KCNMA1: variants seen among roughly 807,000 people sequenced by gnomAD.
KCNMA1 encodes the protein potassium calcium-activated channel subfamily M alpha 1, also known as Calcium-activated potassium channel subunit alpha-1.
In KCNMA1, 29 loss-of-function variants were observed where a neutral mutation model predicts 140.0. The ratio of observed to expected loss-of-function variants is 0.21; its 90% CI spans 0.15 to 0.28. KCNMA1 has a LOEUF of 0.28. Ranked by LOEUF, KCNMA1 falls within the 10% of genes least tolerant of loss-of-function variation. The probability of loss-of-function intolerance (pLI) is 1.00; values close to 1 mark genes in which losing one functional copy is unlikely to be tolerated. For synonymous variants in KCNMA1, 612 were observed against 611.9 expected, an observed-to-expected ratio of 1.00 and a Z score of 0.00; for missense variants, 880 against 1,602.2, an observed-to-expected ratio of 0.55 and a Z score of 7.70.
chr10:77,521,541 T>A (rs1039059729), intron 1 of KCNMA1, among the ~76,000 whole-genome samples: 2 of 152,250 alleles, frequency 1.3e-5, no homozygotes, highest in Admixed American at 1.3e-4. Context: ...TTTCCTCATC[T>A]GTAAACCATG....
Position 76,885,190 on chromosome 10 carries a change from G to A in KCNMA1, c.*2076C>T. 1.0e-6 allele frequency: 1 copy of A among 976,334 alleles called. No homozygotes were observed. The highest frequency in any genetic ancestry group is 1.3e-6 in the Non-Finnish European group (1 of 778,354). The allele number at this position is 976,334 out of a possible 1,614,324, so 60.5% of individuals were successfully genotyped here. On this transcript the variant is annotated 3_prime_UTR_variant, in exon 28 of 28. Coordinates refer to ENST00000286628, the MANE Select transcript of KCNMA1 (RefSeq NM_001161352.2). ...AGCTCTTCATGATCCAATACTAGGGGATACATATATATAGTTATATATATA... is the reference window on the plus strand; with the variant it reads ...AGCTCTTCATGATCCAATACTAGGGAATACATATATATAGTTATATATATA...
intron 3 of KCNMA1, among the ~76,000 whole-genome samples, chr10:77,205,567 T>C (rs1410639433): frequency 6.6e-6 from 1 of 152,236 alleles, no homozygotes; most frequent in Non-Finnish European, 1.5e-5. Context: ...GCTGAATATA[T>C]TTAAACCTTC....
intron 5 of KCNMA1, among the ~76,000 whole-genome samples, chr10:77,154,049 G>A (rs1380506100): frequency 6.6e-6 from 1 of 152,168 alleles, no homozygotes; most frequent in African/African-American, 2.4e-5. Flanking sequence ...ACCAGGTGGA[G>A]GTAATTGGAT....
intron 2 of KCNMA1, among the ~76,000 whole-genome samples, chr10:77,323,433 A>G (rs1041558451): frequency 6.6e-6 from 1 of 152,302 alleles, no homozygotes; most frequent in East Asian, 1.9e-4. Flanking sequence ...GCCTTTACCA[A>G]TGGTAAACTG....
intron 25 of KCNMA1, 21 bp downstream of exon 25, chr10:76,909,945 G>C: frequency 6.2e-7 from 1 of 1,611,732 alleles, no homozygotes; most frequent in Non-Finnish European, 8.5e-7. Context: ...TGAGTGAGGA[G>C]GAGGGAACAG....
At chr10:77,247,342 A>G in intron 3 of KCNMA1, among the ~76,000 whole-genome samples, 1 of 152,158 alleles carries the variant, frequency 6.6e-6, no homozygotes, top group East Asian at 1.9e-4. Context: ...CAATCCATGA[A>G]TCTCGCTCTC....
rs566782703 is a variant in KCNMA1 at position 77,450,432 on chromosome 10, A to G, written c.379-46409T>C. Among the ~76,000 whole-genome samples, 11 of 152,274 alleles carry G rather than the reference A, an allele frequency of 7.2e-5. No individual in the cohort carries two copies. In the South Asian group the frequency reaches 2.3e-3, roughly 32 times the overall value. Reference sequence around the variant, plus strand: ...AACCAATATACATATTAACATTTATATATATTAACCAATCTAAGTTTTCAG... The same window carrying G: ...AACCAATATACATATTAACATTTATGTATATTAACCAATCTAAGTTTTCAG... On this transcript the variant is annotated intron_variant, in intron 1 of 27. Coordinates refer to ENST00000286628, the MANE Select transcript of KCNMA1 (RefSeq NM_001161352.2).
chr10:77,072,456 G>A (rs758409820), intron 14 of KCNMA1, among the ~76,000 whole-genome samples: 9 of 151,988 alleles, frequency 5.9e-5, no homozygotes, highest in Admixed American at 1.3e-4. Context: ...CACTGGTGCA[G>A]CAGGTATGGC....
chr10:77,624,910 G>A (rs1325019634), intron 1 of KCNMA1, among the ~76,000 whole-genome samples: 1 of 151,956 alleles, frequency 6.6e-6, no homozygotes, highest in Non-Finnish European at 1.5e-5. Context: ...TAGAGGGGCT[G>A]CAATCTTTAG....
intron 2 of KCNMA1, among the ~76,000 whole-genome samples, chr10:77,352,650 T>TGTGTGTGTGTGTG (rs1566177733): frequency 7.3e-6 from 1 of 136,952 alleles, no homozygotes; most frequent in Non-Finnish European, 1.7e-5. Context: ...GTGTGTGTGT[T>TGTGTGTGTGTGTG]TGTGTGTGTG....
At chr10:77,632,898 G>T (rs556609433) in intron 1 of KCNMA1, among the ~76,000 whole-genome samples, 1 of 152,324 alleles carries the variant, frequency 6.6e-6, no homozygotes, top group South Asian at 2.1e-4. Flanking sequence ...TCTTGGTATA[G>T]GTGATGTAAC....
At chr10:77,512,627 G>C (rs186902808) in intron 1 of KCNMA1, among the ~76,000 whole-genome samples, 12 of 152,274 alleles carry the variant, frequency 7.9e-5, no homozygotes, top group Middle Eastern at 6.8e-3. Flanking sequence ...CTTTAAAGAA[G>C]TAATTAAGTT....
intron 21 of KCNMA1, among the ~76,000 whole-genome samples, chr10:76,950,252 C>G (rs1376440490): frequency 6.6e-6 from 1 of 152,116 alleles, no homozygotes; most frequent in Non-Finnish European, 1.5e-5. Flanking sequence ...CTTGGACTTT[C>G]CAGGGACATT....
At chr10:77,486,426 C>A (rs185016074) in intron 1 of KCNMA1, among the ~76,000 whole-genome samples, 1 of 152,094 alleles carries the variant, frequency 6.6e-6, no homozygotes, top group African/African-American at 2.4e-5. Context: ...TAAAATGGAG[C>A]CAATTATACC....
chr10:77,118,832 C>G (rs2097537145), intron 6 of KCNMA1, among the ~76,000 whole-genome samples: 1 of 152,208 alleles, frequency 6.6e-6, no homozygotes. Context: ...CAGCAGGACT[C>G]CTAGCATGCA....
At chr10:77,034,946 C>T (rs2094214099) in intron 15 of KCNMA1, among the ~76,000 whole-genome samples, 2 of 152,182 alleles carry the variant, frequency 1.3e-5, no homozygotes, top group African/African-American at 4.8e-5. Flanking sequence ...GTTCTTGAGG[C>T]AGCCCAACTG....
intron 5 of KCNMA1, among the ~76,000 whole-genome samples, chr10:77,160,511 C>T (rs754337954): frequency 3.9e-5 from 6 of 152,174 alleles, no homozygotes; most frequent in Non-Finnish European, 7.3e-5. Flanking sequence ...AACTAATTGG[C>T]GTGCACTGAG....
intron 1 of KCNMA1, among the ~76,000 whole-genome samples, chr10:77,517,801 GA>G (rs1567279725): frequency 6.6e-6 from 1 of 152,142 alleles, no homozygotes; most frequent in Non-Finnish European, 1.5e-5. Flanking sequence ...CTAGGGTGTA[GA>G]ACTGAAAAAC....
intron 23 of KCNMA1, among the ~76,000 whole-genome samples, chr10:76,940,051 T>C (rs2061563122): frequency 6.6e-6 from 1 of 152,268 alleles, no homozygotes; most frequent in African/African-American, 2.4e-5. Flanking sequence ...GGTTCTGAGC[T>C]GATGTTTGCT....
Sources: allele counts gnomAD v4.1 joint callset (sites outside exome capture counted in the v4.1 genomes callset), GRCh38; gene constraint gnomAD v4.1.1; transcripts MANE v1.5; gene names NCBI Gene and HGNC (gene_info 2026-07-23, HGNC 2026-07-21).